The following TRIM5 variants were observed in gnomAD, a reference collection of about 807,000 sequenced individuals.
The protein encoded by TRIM5 is tripartite motif containing 5.
Under a neutral mutation model 35.6 loss-of-function variants are expected in TRIM5, and 31 were observed. That is an observed-to-expected ratio of 0.87 (90% CI 0.65 to 1.18). The LOEUF is 1.18. Among genes scored for constraint, TRIM5 ranks in the 50% most tolerant of loss-of-function variants. The pLI, the probability that TRIM5 is intolerant of heterozygous loss-of-function variation, is 0.00. For synonymous variants in TRIM5, 243 were observed against 215.6 expected (o/e 1.13, Z -1.11); for missense variants, 609 against 591.6 (o/e 1.03, Z -0.31).
the TRIM5 span, among the ~76,000 whole-genome samples, chr11:5,602,879 G>C: frequency 6.6e-6 from 1 of 151,768 alleles, no homozygotes; most frequent in African/African-American, 2.4e-5. Flanking sequence ...GCTTGAACCT[G>C]GGAGGCGGAG....
the TRIM5 span, among the ~76,000 whole-genome samples, chr11:5,628,320 T>G: frequency 6.6e-6 from 1 of 152,236 alleles, no homozygotes; most frequent in Non-Finnish European, 1.5e-5. Context: ...ACCCCACATC[T>G]GTGGTTGGCT....
the TRIM5 span, among the ~76,000 whole-genome samples, chr11:5,633,311 C>T: frequency 1.3e-5 from 2 of 152,022 alleles, no homozygotes; most frequent in Admixed American, 1.3e-4. Context: ...ACACTGTGCT[C>T]AGCTTCCAAT....
At chr11:5,651,199 C>T in the TRIM5 span, among the ~76,000 whole-genome samples, 3 of 152,178 alleles carry the variant, frequency 2.0e-5, no homozygotes, top group Non-Finnish European at 4.4e-5. Context: ...TATTTCCATA[C>T]ACCTCACACC....
the TRIM5 span, chr11:5,643,513 T>C: frequency 1.2e-6 from 2 of 1,614,108 alleles, no homozygotes; most frequent in Middle Eastern, 1.6e-4. Flanking sequence ...GTTTTGACTC[T>C]CTCCATGGCT....
the TRIM5 span, chr11:5,642,756 T>G: frequency 1.2e-6 from 2 of 1,604,330 alleles, no homozygotes; most frequent in Admixed American, 3.4e-5. Flanking sequence ...AAAGAATATA[T>G]AGGTATCAGT....
chr11:5,628,747 G>C, the TRIM5 span, among the ~76,000 whole-genome samples: 1 of 151,844 alleles, frequency 6.6e-6, no homozygotes, highest in African/African-American at 2.4e-5. Context: ...TAAAACAACA[G>C]GAATTTGTAT....
chr11:5,642,264 C>T, the TRIM5 span: 8 of 628,538 alleles, frequency 1.3e-5, no homozygotes, highest in South Asian at 5.7e-5. Context: ...ATCCAGGGTC[C>T]GGCTCTCCCT....
chr11:5,640,409 T>A, the TRIM5 span, among the ~76,000 whole-genome samples: 1 of 152,180 alleles, frequency 6.6e-6, no homozygotes, highest in East Asian at 1.9e-4. Context: ...TTTTCATCCT[T>A]TATTTTATTA....
chr11:5,609,792 A>G, the TRIM5 span, among the ~76,000 whole-genome samples: 15 of 152,206 alleles, frequency 9.9e-5, no homozygotes, highest in South Asian at 4.1e-4. Flanking sequence ...GCGTGGTGGC[A>G]CGCGCCTGTA....
chr11:5,634,837 G>A, the TRIM5 span: 1 of 1,612,946 alleles, frequency 6.2e-7, no homozygotes, highest in African/African-American at 1.3e-5. Context: ...GTCGGAGTCA[G>A]TGGTCAACAA....
At chr11:5,632,731 G>A in the TRIM5 span, 1 of 1,607,560 alleles carries the variant, frequency 6.2e-7, no homozygotes, top group Admixed American at 1.7e-5. Flanking sequence ...AGTCCTCACG[G>A]AGGAAGTATT....
the TRIM5 span, chr11:5,596,875 C>T: frequency 4.3e-6 from 7 of 1,613,922 alleles, no homozygotes; most frequent in Non-Finnish European, 5.1e-6. Flanking sequence ...ACATCTGGAA[C>T]TTCTTGGCTT....
In TRIM5 at chr11:5,665,030, G is replaced by A. The variant is rs766682949; in HGVS notation, c.1261C>T (p.Pro421Ser). 18 of 1,614,050 alleles carry A rather than the reference G, an allele frequency of 1.1e-5. No homozygotes were observed. In the South Asian group the frequency reaches 1.3e-4, roughly 12 times the overall value. Residue 421 changes from proline (P) to serine (S), a missense_variant, in exon 8 of 8, where the codon CCT becomes TCT. Pro to Ser is a moderately conservative substitution (Grantham distance 74, BLOSUM62 -1). Transcript: ENST00000380034. ...SAFQDSSFHT[P>S]SVPFIVPLSV... ...AGGGGCACAATGAAAGGAACAGAAG[G>A]AGTATGGAAGGAACTATCCTGGAAA...
the TRIM5 span, chr11:5,642,780 T>C: frequency 6.2e-7 from 1 of 1,613,654 alleles, no homozygotes; most frequent in Non-Finnish European, 8.5e-7. Context: ...TACTCCTTTG[T>C]TTCTAATCAG....
chr11:5,629,771 G>A, the TRIM5 span, among the ~76,000 whole-genome samples: 3 of 152,142 alleles, frequency 2.0e-5, no homozygotes, highest in Admixed American at 6.5e-5. Context: ...GCAGTGGTGC[G>A]ATCTCGGCTC....
the TRIM5 span, chr11:5,611,145 CT>C: frequency 1.2e-6 from 2 of 1,614,170 alleles, no homozygotes; most frequent in South Asian, 2.2e-5. Context: ...TTCCCTGCTT[CT>C]CTCCATGACA....
Position 5,679,138 on chromosome 11 carries a change from C to T in TRIM5, c.449G>A (p.Arg150Lys), listed in dbSNP as rs1180876395. The T allele has an allele frequency of 1.9e-6, 3 of 1,614,094 alleles. No individual in the cohort carries two copies. The highest frequency in any genetic ancestry group is 2.5e-6 in the Non-Finnish European group (3 of 1,179,966). Residue 150 changes from arginine to lysine, a missense_variant, in exon 3 of 8, where the codon AGG (arginine) becomes AAG (lysine). Coordinates refer to ENST00000380034, the MANE Select transcript of TRIM5 (RefSeq NM_033034.3). Reference sequence around the variant, plus strand: ...CTCTTCAGCTTCCTGCTGCTTCTGCCTCAGCATCTCCAGAGCTGCCTGGAG... The same window carrying T: ...CTCTTCAGCTTCCTGCTGCTTCTGCTTCAGCATCTCCAGAGCTGCCTGGAG... ...VKLQAALEML[R>K]QKQQEAEELE...
chr11:5,662,805 G>C (rs183022813), downstream of TRIM5, among the ~76,000 whole-genome samples: 6 of 152,206 alleles, frequency 3.9e-5, no homozygotes, highest in Non-Finnish European at 8.8e-5. Flanking sequence ...ATTGCTTTCA[G>C]TCACAGTGAG....
chr11:5,643,685 G>T, the TRIM5 span: 1 of 1,604,892 alleles, frequency 6.2e-7, no homozygotes, highest in Non-Finnish European at 8.5e-7. Context: ...CAGCTCCCAT[G>T]ACTCTATGCC....
Sources: allele counts gnomAD v4.1 joint callset (sites outside exome capture counted in the v4.1 genomes callset), GRCh38; gene constraint gnomAD v4.1.1; transcripts MANE v1.5; gene names NCBI Gene and HGNC (gene_info 2026-07-23, HGNC 2026-07-21).